Variants in CLTC observed in about 807,000 individuals in gnomAD.
CLTC encodes the protein clathrin heavy chain 1.
A neutral mutation model predicts 195.8 loss-of-function variants in CLTC; 16 were observed. The ratio of observed to expected loss-of-function variants is 0.08; its 90% CI spans 0.06 to 0.12. The LOEUF (loss-of-function observed/expected upper bound fraction) is 0.12. Ranked by LOEUF, CLTC falls within the 10% of genes least tolerant of loss-of-function variation. The pLI is 1.00. For synonymous variants in CLTC, 667 were observed against 689.4 expected (o/e 0.97, Z 0.51); for missense variants, 796 against 2,027.0 (o/e 0.39, Z 11.66).
chr17:59,647,875 A>G (rs2032235600), intron 3 of CLTC, among the ~76,000 whole-genome samples: 1 of 151,682 alleles, frequency 6.6e-6, no homozygotes, highest in South Asian at 2.1e-4. Context: ...ATACTGACAT[A>G]TAATTTCAGA....
intron 30 of CLTC, among the ~76,000 whole-genome samples, chr17:59,688,781 C>T (rs2033236782): frequency 6.6e-6 from 1 of 152,172 alleles, no homozygotes; most frequent in Non-Finnish European, 1.5e-5. Context: ...AACACATGTT[C>T]ACTTCAGATT....
intron 2 of CLTC, among the ~76,000 whole-genome samples, chr17:59,647,016 C>T (rs1018444263): frequency 6.6e-6 from 1 of 152,092 alleles, no homozygotes; most frequent in Non-Finnish European, 1.5e-5. Context: ...ATCAGAGTTG[C>T]TTTGTCTTGT....
At chr17:59,649,706 C>G (rs552255180) in intron 4 of CLTC, among the ~76,000 whole-genome samples, 5 of 152,230 alleles carry the variant, frequency 3.3e-5, no homozygotes, top group Admixed American at 3.3e-4. Flanking sequence ...AGAGAGGAAA[C>G]AGTAAGTAAT....
At chr17:59,678,097 T>C (rs1180394495) in intron 17 of CLTC, among the ~76,000 whole-genome samples, 1 of 152,200 alleles carries the variant, frequency 6.6e-6, no homozygotes, top group Non-Finnish European at 1.5e-5. Flanking sequence ...AAAAACAGAA[T>C]GTGTCTCACT....
Position 59,696,395 on chromosome 17 carries a change from T to C in CLTC, c.*2543T>C, listed in dbSNP as rs1243116482. 1.4e-5 allele frequency: 3 copies of C among 219,328 alleles called. No individual in the cohort carries two copies. Among genetic ancestry groups the C allele is most frequent in the African/African-American group, 6.7e-5 (3 of 44,558 alleles). 13.6% of individuals were successfully genotyped at this position (219,328 alleles called of 1,614,324 possible). ...GATGGTGCTATAACGCTGCTTATAT[T>C]GCAGTTAACCATAGAGAGGTGGAGC... On this transcript the variant is annotated 3_prime_UTR_variant, in exon 32 of 32. Coordinates refer to ENST00000269122, the MANE Select transcript of CLTC (RefSeq NM_004859.4).
chr17:59,653,453 A>G (rs1423462756), intron 5 of CLTC, among the ~76,000 whole-genome samples: 1 of 151,920 alleles, frequency 6.6e-6, no homozygotes, highest in African/African-American at 2.4e-5. Context: ...TCGGCCTCCC[A>G]AAGTGGTGGG....
intron 1 of CLTC, among the ~76,000 whole-genome samples, chr17:59,632,893 CA>C (rs978791480): frequency 5.9e-5 from 9 of 152,052 alleles, no homozygotes; most frequent in African/African-American, 2.2e-4. Context: ...CTAGTAATGA[CA>C]AAGTTATAAT....
chr17:59,645,694 A>G (rs748280787), intron 2 of CLTC, among the ~76,000 whole-genome samples: 13 of 152,204 alleles, frequency 8.5e-5, no homozygotes, highest in Non-Finnish European at 7.3e-5. Context: ...TTGGAGAGTG[A>G]ATAGGGTTGG....
At position 59,681,116 on chromosome 17, in the gene CLTC, C is replaced by T; in HGVS notation, c.3065+59C>T. 1 of 1,567,978 alleles carries T rather than the reference C, an allele frequency of 6.4e-7. No homozygotes were observed. Among genetic ancestry groups the T allele is most frequent in the Non-Finnish European group, 8.7e-7 (1 of 1,153,094 alleles). ...AGTCAGTCTTTAATAAATTATGGCC[C>T]ATCAGTTTTGGGAAGGAACAAAAAG... On this transcript the variant is annotated intron_variant, in intron 19 of 31. Transcript: ENST00000269122. The surrounding 1 kb of genome is among the most constrained non-coding windows in gnomAD (Gnocchi z 5.0).
At chr17:59,628,011 G>A (rs979374645) in intron 1 of CLTC, among the ~76,000 whole-genome samples, 4 of 152,202 alleles carry the variant, frequency 2.6e-5, no homozygotes, top group Admixed American at 2.6e-4. Flanking sequence ...ATTTTGAGTA[G>A]CATCATGGTA....
At chr17:59,692,830 G>A (rs2033338125) in intron 31 of CLTC, among the ~76,000 whole-genome samples, 1 of 151,892 alleles carries the variant, frequency 6.6e-6, no homozygotes, top group Non-Finnish European at 1.5e-5. Context: ...AGTAGAGACG[G>A]GGTTTCACCA....
At chr17:59,646,171 C>T (rs959894183) in intron 2 of CLTC, among the ~76,000 whole-genome samples, 2 of 152,102 alleles carry the variant, frequency 1.3e-5, no homozygotes, top group Non-Finnish European at 2.9e-5. Context: ...TTGTCCCCCT[C>T]CCCAAGACCA....
Position 59,681,639 on chromosome 17 carries a change from A to G in CLTC, c.3250-8A>G, listed in dbSNP as rs781076078. 1 of 1,603,790 alleles carries G rather than the reference A, an allele frequency of 6.2e-7. No individual in the cohort carries two copies. Among genetic ancestry groups the G allele is most frequent in the Admixed American group, 1.7e-5 (1 of 58,866 alleles). On this transcript the variant is annotated splice_polypyrimidine_tract_variant and splice_region_variant and intron_variant, in intron 20 of 31. Transcript: ENST00000269122. The surrounding 1 kb of genome is among the most constrained non-coding windows in gnomAD (Gnocchi z 5.0). ...ACTCTAACCCTAATTTCAAACTTGGATACTTAGGTCTTAATTGAGCATATT... is the reference window on the plus strand; with the variant it reads ...ACTCTAACCCTAATTTCAAACTTGGGTACTTAGGTCTTAATTGAGCATATT...
intron 2 of CLTC, among the ~76,000 whole-genome samples, chr17:59,645,650 A>G (rs1238527400): frequency 6.6e-6 from 1 of 152,222 alleles, no homozygotes; most frequent in Non-Finnish European, 1.5e-5. Context: ...TTTTCTTTAC[A>G]TGATTTAAAC....
intron 1 of CLTC, among the ~76,000 whole-genome samples, chr17:59,621,045 G>T (rs968716553): frequency 8.5e-5 from 13 of 152,184 alleles, no homozygotes; most frequent in Non-Finnish European, 1.8e-4. Flanking sequence ...GAGCCCTGGG[G>T]ACAGCACAGC....
intron 6 of CLTC, 86 bp downstream of exon 6, chr17:59,656,113 A>C: frequency 8.3e-7 from 1 of 1,201,082 alleles, no homozygotes; most frequent in Non-Finnish European, 1.1e-6. Context: ...ATTACTCCCC[A>C]AGATTAAAAA....
Position 59,648,471 on chromosome 17 carries a change from TA to T in CLTC, c.681+72del. The T allele has an allele frequency of 7.3e-7, 1 of 1,370,680 alleles. No homozygotes were observed. Among genetic ancestry groups the T allele is most frequent in the Admixed American group, 2.1e-5 (1 of 47,824 alleles). The allele number at this position is 1,370,680 out of a possible 1,614,324, so 84.9% of individuals were successfully genotyped here. On this transcript the variant is annotated intron_variant, in intron 4 of 31. Transcript: ENST00000269122. The surrounding 1 kb of genome is among the most constrained non-coding windows in gnomAD (Gnocchi z 4.5). ...GGCTTTCTGCTATGAATTAGTCATC[TA>T]ATTTCAAAATAGCCTTCTCCCTTCC...
rs538719255 is a variant in CLTC, at chr17:59,661,713, T to C, written c.1368+70T>C. 1.3e-5 allele frequency: 17 copies of C among 1,336,940 alleles called. No homozygotes were observed. In the African/African-American group the frequency reaches 2.0e-4, roughly 16 times the overall value. The allele number at this position is 1,336,940 out of a possible 1,614,324, so 82.8% of individuals were successfully genotyped here. A position where few individuals can be genotyped will look rare whatever the true frequency, so the allele number is the denominator to read the frequency against. On this transcript the variant is annotated intron_variant, in intron 8 of 31. Coordinates refer to ENST00000269122, the MANE Select transcript of CLTC (RefSeq NM_004859.4). ...ATATGATATTGGCAAGTTAAAATCA[T>C]TTAGGCTGCACCACAATGTCTCCAT...
intron 1 of CLTC, among the ~76,000 whole-genome samples, chr17:59,637,750 T>C (rs2031912125): frequency 3.4e-5 from 5 of 148,392 alleles, no homozygotes; most frequent in Admixed American, 1.3e-4. Flanking sequence ...GGTGGTACCA[T>C]CTATTTGGAA....
Sources: allele counts gnomAD v4.1 joint callset (sites outside exome capture counted in the v4.1 genomes callset), GRCh38; gene constraint gnomAD v4.1.1; non-coding constraint Gnocchi (gnomAD v3.1); transcripts MANE v1.5; gene names NCBI Gene and HGNC (gene_info 2026-07-23, HGNC 2026-07-21).